Variants in RPS3 observed in about 807,000 individuals in gnomAD.
RPS3 encodes the protein small ribosomal subunit protein uS3.
A neutral mutation model predicts 25.8 loss-of-function variants in RPS3; 2 were observed. The ratio of observed to expected loss-of-function variants is 0.08; its 90% confidence interval spans 0.03 to 0.24. RPS3 has a LOEUF of 0.24. RPS3 is among the 10% of genes least tolerant of loss of function. RPS3 has a pLI of 1.00. For missense variants in RPS3, 107 were observed against 307.1 expected, an observed-to-expected ratio of 0.35 and a Z score of 4.87; for synonymous variants, 114 against 114.2, an observed-to-expected ratio of 1.00 and a Z score of 0.01.
downstream of RPS3, chr11:75,406,942 ATACTC>A (rs568547236): frequency 3.3e-5 from 5 of 152,198 alleles, no homozygotes; most frequent in South Asian, 4.1e-4. Flanking sequence ...TTAGGTATAA[ATACTC>A]TACCATTTTG....
Position 75,404,400 on chromosome 11 carries a change from T to C in RPS3, c.538+193T>C, listed in dbSNP as rs765708480. 3 of 788,878 alleles carry C rather than the reference T, an allele frequency of 3.8e-6. No homozygotes were observed. The highest frequency in any genetic ancestry group is 6.8e-6 in the Non-Finnish European group (3 of 441,686). 48.9% of individuals were successfully genotyped at this position (788,878 alleles called of 1,614,324 possible). Reference sequence around the variant, plus strand: ...TCAGATCCAAGAGTTGGTTTGTCCTTGTTTTAGCCATCTGTGTACCCTTCA... The same window carrying C: ...TCAGATCCAAGAGTTGGTTTGTCCTCGTTTTAGCCATCTGTGTACCCTTCA... On this transcript the variant is annotated intron_variant, in intron 5 of 6. Coordinates refer to ENST00000531188, the MANE Select transcript of RPS3 (RefSeq NM_001005.5). This position sits in a 1 kb window ranked among gnomAD's most constrained non-coding sequence, Gnocchi z 4.6.
intron 6 of RPS3, among the ~76,000 whole-genome samples, chr11:75,412,044 A>G (rs1187237600): frequency 6.6e-6 from 1 of 152,216 alleles, no homozygotes; most frequent in Non-Finnish European, 1.5e-5. Flanking sequence ...AAAGACTTCC[A>G]GTTAAATACC....
chr11:75,401,125 G>T (rs997164889), intron 2 of RPS3, among the ~76,000 whole-genome samples: 2 of 152,086 alleles, frequency 1.3e-5, no homozygotes, highest in Non-Finnish European at 2.9e-5. Flanking sequence ...CTCGTGATCC[G>T]CCTGCCTCAG....
At chr11:75,413,546 G>T (rs528966927) in intron 6 of RPS3, among the ~76,000 whole-genome samples, 1 of 152,132 alleles carries the variant, frequency 6.6e-6, no homozygotes. Flanking sequence ...ATGAGCCACC[G>T]CGCCCAGCCC....
At chr11:75,410,159 C>T (rs1312303989), downstream of RPS3, among the ~76,000 whole-genome samples, 23 of 150,210 alleles carry the variant, frequency 1.5e-4, no homozygotes, top group East Asian at 3.8e-3. Flanking sequence ...GCTGGCCGGG[C>T]GGGGGGCTGA....
At chr11:75,420,462 T>C (rs1187367600) in intron 6 of RPS3, among the ~76,000 whole-genome samples, 2 of 152,144 alleles carry the variant, frequency 1.3e-5, no homozygotes, top group African/African-American at 4.8e-5. Context: ...TAGCAGAGCC[T>C]GGGGGAGGCA....
intron 6 of RPS3, among the ~76,000 whole-genome samples, chr11:75,421,049 A>G (rs1242406583): frequency 6.6e-6 from 1 of 152,150 alleles, no homozygotes; most frequent in Non-Finnish European, 1.5e-5. Context: ...GGCCAGTGAT[A>G]TGATGCCTTC....
Position 75,417,624 on chromosome 11 carries a change from G to A in RPS3, c.*4-4103G>A, listed in dbSNP as rs142796364. Among the ~76,000 whole-genome samples the A allele has an allele frequency of 3.2e-3, 490 of 152,244 alleles. 4 individuals are homozygous for A. Among genetic ancestry groups the A allele is most frequent in the Admixed American group, 0.021 (327 of 15,280 alleles). Reference sequence around the variant, plus strand: ...ACACACAAAAATTTAAAGATTAGTCGGGCGTGGCGGCACATGCCTGTAGTC... The same window carrying A: ...ACACACAAAAATTTAAAGATTAGTCAGGCGTGGCGGCACATGCCTGTAGTC... On this transcript the variant is annotated intron_variant, in intron 6 of 6. Coordinates refer to the RPS3 transcript ENST00000527446.
At chr11:75,410,307 T>C (rs1387673255), downstream of RPS3, among the ~76,000 whole-genome samples, 2 of 135,004 alleles carry the variant, frequency 1.5e-5, no homozygotes, top group African/African-American at 2.8e-5. Flanking sequence ...TCCTCACTTC[T>C]CAGACGGGGC....
chr11:75,413,302 G>A (rs1948372560), intron 6 of RPS3, among the ~76,000 whole-genome samples: 1 of 151,714 alleles, frequency 6.6e-6, no homozygotes, highest in African/African-American at 2.4e-5. Flanking sequence ...GTGCGGTGGT[G>A]CGATCTCGAC....
Position 75,401,718 on chromosome 11 carries a change from A to G in RPS3, c.240A>G (p.Pro80=), listed in dbSNP as rs369448212. 4 of 1,606,540 alleles carry G rather than the reference A, an allele frequency of 2.5e-6. No homozygotes were observed. The highest frequency in any genetic ancestry group is 3.4e-6 in the Non-Finnish European group (4 of 1,172,986). Residue 80 remains proline (P), a synonymous_variant, in exon 3 of 7, where the codon CCA becomes CCG. Coordinates refer to ENST00000531188, the MANE Select transcript of RPS3 (RefSeq NM_001005.5). ...TAGTTCAGAAGAGGTTTGGCTTTCCAGAGGGCAGTGTAGAGGTGAGTGATT... is the reference window on the plus strand; with the variant it reads ...TAGTTCAGAAGAGGTTTGGCTTTCCGGAGGGCAGTGTAGAGGTGAGTGATT... The part of the protein sequence containing the change: ...TAVVQKRFGF[P]EGSVELYAEK...
At chr11:75,410,062 G>C (rs1429677709), downstream of RPS3, among the ~76,000 whole-genome samples, 26 of 142,976 alleles carry the variant, frequency 1.8e-4, no homozygotes, top group Admixed American at 1.4e-3. Context: ...CTGGCCAGGC[G>C]GGGGGCTGAC....
chr11:75,417,528 C>T (rs566124596), intron 6 of RPS3, among the ~76,000 whole-genome samples: 6 of 152,286 alleles, frequency 3.9e-5, no homozygotes, highest in African/African-American at 7.2e-5. Flanking sequence ...ACCCGGGAGG[C>T]GGAGGTTACA....
chr11:75,402,588 G>T, intron 4 of RPS3, 142 bp downstream of exon 4: 1 of 828,070 alleles, frequency 1.2e-6, no homozygotes, highest in Non-Finnish European at 1.8e-6. Flanking sequence ...ACTAAGTCAT[G>T]CCCTCACTGA....
At chr11:75,419,121 C>T (rs908461560) in intron 6 of RPS3, among the ~76,000 whole-genome samples, 1 of 152,212 alleles carries the variant, frequency 6.6e-6, no homozygotes, top group Non-Finnish European at 1.5e-5. Context: ...CTGGTTTACC[C>T]TCAGCATACC....
At chr11:75,409,357 G>A (rs12184404), downstream of RPS3, among the ~76,000 whole-genome samples, 3 of 135,948 alleles carry the variant, frequency 2.2e-5, no homozygotes, top group Non-Finnish European at 4.7e-5. Flanking sequence ...TGTGTCCCTG[G>A]GTACTTGAGA....
At chr11:75,409,439 C>T (rs1297620958), downstream of RPS3, among the ~76,000 whole-genome samples, 6 of 131,098 alleles carry the variant, frequency 4.6e-5, no homozygotes, top group African/African-American at 1.5e-4. Context: ...CATCTTGCAC[C>T]GCCCTTAATC....
rs754408755 is a variant in RPS3, at chr11:75,402,500, G to T, written c.350+54G>T. 8 of 1,537,990 alleles carry T rather than the reference G, an allele frequency of 5.2e-6. No individual in the cohort carries two copies. The South Asian group carries it at 9.4e-5, about 18-fold the overall frequency. On this transcript the variant is annotated intron_variant, in intron 4 of 6. Coordinates refer to ENST00000531188, the MANE Select transcript of RPS3 (RefSeq NM_001005.5). ...ACCTTTTGTGTGTATCAACATACATGTCTGCCATTTGTTAATTTAGCAGAT... is the reference window on the plus strand; with the variant it reads ...ACCTTTTGTGTGTATCAACATACATTTCTGCCATTTGTTAATTTAGCAGAT...
At chr11:75,401,905 G>A in intron 3 of RPS3, 172 bp downstream of exon 3, 1 of 590,528 alleles carries the variant, frequency 1.7e-6, no homozygotes, top group African/African-American at 1.9e-5. Flanking sequence ...GCTAATGGCT[G>A]ATGGTTAAAG....
Sources: gnomAD v4.1 joint callset for allele counts (sites outside exome capture counted in the v4.1 genomes callset) on GRCh38, gnomAD v4.1.1 for gene constraint, Gnocchi (gnomAD v3.1) non-coding constraint, MANE v1.5 for transcripts, NCBI Gene and HGNC (gene_info 2026-07-23, HGNC 2026-07-21) for gene names.